ITPK1: variants seen among roughly 807,000 people sequenced by gnomAD.
ITPK1 encodes the protein inositol 1,3,4-trisphosphate 5/6-kinase.
In ITPK1, 21 loss-of-function variants were observed where a neutral mutation model predicts 45.3. The observed-to-expected ratio is 0.46, with a 90% CI of 0.33 to 0.67. The LOEUF (loss-of-function observed/expected upper bound fraction) is 0.67. Among genes scored for constraint, ITPK1 ranks in the 30% least tolerant of loss-of-function variants. ITPK1 has a pLI of 0.02. For synonymous variants in ITPK1, 258 were observed against 253.6 expected (o/e 1.02, Z -0.16); for missense variants, 474 against 573.5 (o/e 0.83, Z 1.77).
At chr14:93,008,905 T>G (rs1239000011) in intron 4 of ITPK1, among the ~76,000 whole-genome samples, 1 of 152,168 alleles carries the variant, frequency 6.6e-6, no homozygotes, top group Non-Finnish European at 1.5e-5. Flanking sequence ...ACCCAGAAAC[T>G]GCACCCAGTG....
At chr14:93,072,271 C>T (rs1376348089) in intron 3 of ITPK1, 1 of 150,266 alleles carries the variant, frequency 6.7e-6, no homozygotes, top group Non-Finnish European at 1.5e-5. Context: ...CTCTGCACTC[C>T]AGCCTGGGCG....
chr14:92,954,410 G>A (rs1217905334), intron 8 of ITPK1, among the ~76,000 whole-genome samples: 2 of 152,218 alleles, frequency 1.3e-5, no homozygotes, highest in Non-Finnish European at 2.9e-5. Context: ...CCAGCTCCAA[G>A]AGAGTCGGTT....
chr14:93,059,889 G>A (rs1890444377), intron 3 of ITPK1, among the ~76,000 whole-genome samples: 1 of 149,046 alleles, frequency 6.7e-6, no homozygotes, highest in East Asian at 2.0e-4. Context: ...GGGGTGGAGG[G>A]GGTGCAGGTC....
intron 2 of ITPK1, among the ~76,000 whole-genome samples, chr14:93,102,233 A>C (rs1029592348): frequency 6.6e-5 from 10 of 152,260 alleles, no homozygotes; most frequent in Admixed American, 6.5e-4. Context: ...TCCCCAGAGC[A>C]GCGAGAGGAT....
intron 3 of ITPK1, among the ~76,000 whole-genome samples, chr14:93,048,286 A>G (rs569678352): frequency 3.3e-5 from 5 of 152,372 alleles, no homozygotes; most frequent in African/African-American, 9.6e-5. Flanking sequence ...CTTTGTTTCA[A>G]TGATGGCCAG....
chr14:93,046,703 G>A (rs914141752), intron 3 of ITPK1, among the ~76,000 whole-genome samples: 5 of 152,096 alleles, frequency 3.3e-5, no homozygotes, highest in African/African-American at 7.2e-5. Flanking sequence ...CATTTCTTTC[G>A]GACTGCACAC....
intron 3 of ITPK1, among the ~76,000 whole-genome samples, chr14:93,060,644 C>T (rs1191142598): frequency 2.0e-5 from 3 of 152,016 alleles, no homozygotes; most frequent in South Asian, 2.1e-4. Flanking sequence ...AGGAAGGCCA[C>T]GGGAGGTTTT....
chr14:93,003,416 T>C (rs537700068), intron 4 of ITPK1, among the ~76,000 whole-genome samples: 53 of 152,130 alleles, frequency 3.5e-4, no homozygotes, highest in African/African-American at 6.3e-4. Flanking sequence ...CCAGAACACC[T>C]GCCTGTTGAT....
Position 92,962,969 on chromosome 14 carries a change from G to A in ITPK1, c.365-120C>T, listed in dbSNP as rs542826472. On this transcript the variant is annotated intron_variant, in intron 5 of 10. Coordinates refer to ENST00000267615, the MANE Select transcript of ITPK1 (RefSeq NM_014216.6). ...TGCCCCCACGCTCCTGGATCTGACC[G>A]TCCCCAACCTCTGCAGTCCCATGTG... 87 of 615,468 alleles carry A rather than the reference G, an allele frequency of 1.4e-4. No individual in the cohort carries two copies. The East Asian group carries it at 2.3e-3, about 17-fold the overall frequency. 38.1% of individuals were successfully genotyped at this position (615,468 alleles called of 1,614,324 possible). A position where few individuals can be genotyped will look rare whatever the true frequency, so the allele number is the denominator to read the frequency against.
At chr14:92,970,623 A>C (rs1346932225) in intron 5 of ITPK1, among the ~76,000 whole-genome samples, 1 of 150,892 alleles carries the variant, frequency 6.6e-6, no homozygotes, top group Non-Finnish European at 1.5e-5. Flanking sequence ...GCAGGATCTA[A>C]GTTCTCGCAG....
At chr14:93,052,981 G>GA (rs1162009675) in intron 3 of ITPK1, among the ~76,000 whole-genome samples, 1 of 139,730 alleles carries the variant, frequency 7.2e-6, no homozygotes, top group Non-Finnish European at 1.6e-5. Flanking sequence ...GGGGTGGGGG[G>GA]AGGGGGGAAG....
At chr14:93,098,345 T>C (rs35144430) in intron 2 of ITPK1, among the ~76,000 whole-genome samples, 15,909 of 151,928 alleles carry the variant, frequency 0.1, 1,084 homozygotes, top group Middle Eastern at 0.19. Flanking sequence ...TAGTCCCAGC[T>C]ACTCGGAAGG....
intron 3 of ITPK1, among the ~76,000 whole-genome samples, chr14:93,043,215 C>T (rs1385218026): frequency 6.6e-6 from 1 of 152,142 alleles, no homozygotes; most frequent in Non-Finnish European, 1.5e-5. Flanking sequence ...GAACCAGAAG[C>T]TGGGGCTCAG....
At position 92,952,071 on chromosome 14, in the gene ITPK1, C is replaced by T. The variant is rs77484497; in HGVS notation, c.671-58G>A. The T allele has an allele frequency of 4.2e-3, 5,615 of 1,322,188 alleles. 207 individuals carry two copies. The African/African-American group carries it at 0.071, about 17-fold the overall frequency. 81.9% of individuals were successfully genotyped at this position (1,322,188 alleles called of 1,614,324 possible). On this transcript the variant is annotated intron_variant, in intron 8 of 10. Coordinates refer to ENST00000267615, the MANE Select transcript of ITPK1 (RefSeq NM_014216.6). ...AACCTCAATGCAGGGACCACACTGC[C>T]GCCACCTGACACCAGGGGGCAGCAT...
chr14:92,995,182 G>A (rs568321531), intron 4 of ITPK1, among the ~76,000 whole-genome samples: 4 of 152,180 alleles, frequency 2.6e-5, no homozygotes, highest in East Asian at 1.9e-4. Context: ...TTCCTGCAGC[G>A]TTAAAAGCCT....
In ITPK1 at chr14:93,048,561, G is replaced by A. The variant is rs143878004; in HGVS notation, c.120+28034C>T. Among the ~76,000 whole-genome samples the A allele has an allele frequency of 5.3e-5, 8 of 152,310 alleles. No individual in the cohort carries two copies. The East Asian group carries it at 1.5e-3, about 29-fold the overall frequency. On this transcript the variant is annotated intron_variant, in intron 3 of 10. Transcript: ENST00000267615. ...CGTGCCTGTCGCCTCACGCTCACAA[G>A]ACAGCTGCCAAAGCTCCTGATACTC...
chr14:92,988,407 GC>G (rs903038964), intron 5 of ITPK1, among the ~76,000 whole-genome samples: 1 of 152,196 alleles, frequency 6.6e-6, no homozygotes, highest in Non-Finnish European at 1.5e-5. Flanking sequence ...GACTGGCCCA[GC>G]CCCCCGAGGG....
chr14:93,034,999 G>C lies in ITPK1; in HGVS notation c.121-18198C>G, dbSNP rs1889256936. 6.6e-6 allele frequency among the ~76,000 whole-genome samples: 1 copy of C among 152,234 alleles called. No individual in the cohort carries two copies. Among genetic ancestry groups the C allele is most frequent in the Non-Finnish European group, 1.5e-5 (1 of 68,038 alleles). On this transcript the variant is annotated intron_variant, in intron 3 of 10. Coordinates refer to ENST00000267615, the MANE Select transcript of ITPK1 (RefSeq NM_014216.6). This position sits in a 1 kb window ranked among gnomAD's most constrained non-coding sequence, Gnocchi z 4.1. ...CTGCACCTACAAAGCAAGTCCTACAGGGTGAACACACCTCCTTCTTTTGGG... is the reference window on the plus strand; with the variant it reads ...CTGCACCTACAAAGCAAGTCCTACACGGTGAACACACCTCCTTCTTTTGGG...
At chr14:93,003,341 T>C (rs1258282456) in intron 4 of ITPK1, among the ~76,000 whole-genome samples, 5 of 152,192 alleles carry the variant, frequency 3.3e-5, no homozygotes, top group African/African-American at 7.2e-5. Context: ...CCAACCCCTG[T>C]TGATTAACTT....
Sources: allele counts gnomAD v4.1 joint callset (sites outside exome capture counted in the v4.1 genomes callset), GRCh38; gene constraint gnomAD v4.1.1; non-coding constraint Gnocchi (gnomAD v3.1); transcripts MANE v1.5; gene names NCBI Gene and HGNC (gene_info 2026-07-23, HGNC 2026-07-21).